Variants in ZFP91 observed in about 807,000 individuals in gnomAD.
ZFP91 encodes the protein E3 ubiquitin-protein ligase ZFP91.
ZFP91 carries 7 observed loss-of-function variants against 63.5 expected under a neutral mutation model. The ratio of observed to expected loss-of-function variants is 0.11; its 90% CI spans 0.06 to 0.21. The LOEUF is 0.21. Among genes scored for constraint, ZFP91 ranks in the 10% least tolerant of loss-of-function variants. The pLI is 1.00. For synonymous variants in ZFP91, 330 were observed against 272.1 expected (o/e 1.21, Z -2.10); for missense variants, 628 against 736.6 (o/e 0.85, Z 1.71).
chr11:58,584,744 C>A, intron 1 of ZFP91, 112 bp from the exon 2 acceptor site: 8 of 946,618 alleles, frequency 8.5e-6, no homozygotes, highest in Non-Finnish European at 1.2e-5. Context: ...TGTAGGACAA[C>A]ACTAGTCTAG....
intron 2 of ZFP91, among the ~76,000 whole-genome samples, chr11:58,602,781 A>G (rs1284788809): frequency 6.6e-6 from 1 of 152,218 alleles, no homozygotes; most frequent in East Asian, 1.9e-4. Context: ...AAAAGTACCT[A>G]AAAATGTTGG....
intron 9 of ZFP91, among the ~76,000 whole-genome samples, chr11:58,615,895 A>G (rs1855741637): frequency 6.6e-6 from 1 of 152,252 alleles, no homozygotes; most frequent in Non-Finnish European, 1.5e-5. Flanking sequence ...TTGAAGCAAA[A>G]GGAGTAGAAA....
chr11:58,594,499 T>C (rs765698234), intron 2 of ZFP91, among the ~76,000 whole-genome samples: 1 of 152,242 alleles, frequency 6.6e-6, no homozygotes, highest in Non-Finnish European at 1.5e-5. Flanking sequence ...GAAGCAGAAC[T>C]AATTCACCTA....
At chr11:58,600,285 T>A (rs923081806) in intron 2 of ZFP91, among the ~76,000 whole-genome samples, 5 of 152,132 alleles carry the variant, frequency 3.3e-5, no homozygotes, top group African/African-American at 1.2e-4. Flanking sequence ...CAGAGTATTG[T>A]CATCTTAACA....
Position 58,610,974 on chromosome 11 carries a change from A to G in ZFP91, c.642A>G (p.Glu214=), listed in dbSNP as rs769777354. Residue 214 remains glutamate, a synonymous_variant, in exon 5 of 11, where the codon GAA becomes GAG. Coordinates refer to ENST00000316059, the MANE Select transcript of ZFP91 (RefSeq NM_053023.5). The part of the protein sequence containing the change: ...GISSEEEEEE[E]EEMLISEEEI... The stretch of plus-strand genomic sequence containing the variant: ...GTAGTGAAGAGGAAGAGGAGGAGGA[A>G]GAAGAGATGTTAATCAGTGAAGAGG... 1 of 1,612,694 alleles carries G rather than the reference A, an allele frequency of 6.2e-7. No individual in the cohort carries two copies. The highest frequency in any genetic ancestry group is 1.3e-5 in the African/African-American group (1 of 75,026).
intron 3 of ZFP91, 92 bp downstream of exon 3, chr11:58,610,131 CAG>C (rs767356628): frequency 3.1e-5 from 47 of 1,499,020 alleles, no homozygotes; most frequent in African/African-American, 1.8e-4. Flanking sequence ...GCTTAACTGT[CAG>C]GGGCAGGTTT....
intron 9 of ZFP91, among the ~76,000 whole-genome samples, chr11:58,614,700 G>A (rs907609073): frequency 1.3e-5 from 2 of 152,080 alleles, no homozygotes; most frequent in Non-Finnish European, 2.9e-5. Flanking sequence ...GAAACTAGAA[G>A]CTTGGCAGGA....
chr11:58,603,430 C>T (rs1481075500), intron 2 of ZFP91, among the ~76,000 whole-genome samples: 1 of 152,158 alleles, frequency 6.6e-6, no homozygotes, highest in Non-Finnish European at 1.5e-5. Context: ...ATCGAATCAG[C>T]CATCTCAGCA....
In ZFP91 at chr11:58,579,302, G is replaced by C. The variant is rs1467958181; in HGVS notation, c.21G>C (p.Glu7Asp). 6.7e-7 allele frequency: 1 copy of C among 1,481,768 alleles called. No homozygotes were observed. Among genetic ancestry groups the C allele is most frequent in the South Asian group, 1.3e-5 (1 of 77,854 alleles). The allele number at this position is 1,481,768 out of a possible 1,614,324, so 91.8% of individuals were successfully genotyped here. The change falls in exon 1 of 11, where the codon GAG (glutamate) becomes GAC (aspartate). Residue 7 changes from glutamate (E) to aspartate (D), a missense_variant. Physicochemically the swap from Glu to Asp is conservative, Grantham distance 45. Transcript: ENST00000316059. MPGETE[E>D]PRPPEQQDQE... ...CCCCGATGCCGGGGGAGACGGAAGA[G>C]CCGAGACCCCCGGAGCAGCAGGACC... is the stretch of plus-strand genomic sequence containing the variant.
chr11:58,598,556 C>A (rs898115546), intron 2 of ZFP91, among the ~76,000 whole-genome samples: 1 of 151,964 alleles, frequency 6.6e-6, no homozygotes, highest in Non-Finnish European at 1.5e-5. Context: ...GCTTTTTTCT[C>A]TTATTATTTA....
In ZFP91 at chr11:58,579,264, G is replaced by T. The variant is rs1395810118; in HGVS notation, c.-18G>T. On this transcript the variant is annotated 5_prime_UTR_variant, in exon 1 of 11. Coordinates refer to ENST00000316059, the MANE Select transcript of ZFP91 (RefSeq NM_053023.5). ...CTCCGCCGCCTAGGACTAGGGGGTGGGGGACGGACAAGCCCCGATGCCGGG... is the reference window on the plus strand; with the variant it reads ...CTCCGCCGCCTAGGACTAGGGGGTGTGGGACGGACAAGCCCCGATGCCGGG... The T allele has an allele frequency of 1.4e-6, 2 of 1,418,158 alleles. No homozygotes were observed. The highest frequency in any genetic ancestry group is 1.8e-6 in the Non-Finnish European group (2 of 1,096,812). 87.8% of individuals were successfully genotyped at this position (1,418,158 alleles called of 1,614,324 possible).
At chr11:58,600,498 G>A (rs989866696) in intron 2 of ZFP91, among the ~76,000 whole-genome samples, 1 of 152,072 alleles carries the variant, frequency 6.6e-6, no homozygotes, top group Non-Finnish European at 1.5e-5. Context: ...AATGTTACGT[G>A]TTGGTATTAT....
chr11:58,598,750 G>A (rs1461457808), intron 2 of ZFP91, among the ~76,000 whole-genome samples: 2 of 34,782 alleles, frequency 5.8e-5, no homozygotes, highest in East Asian at 4.8e-4. Flanking sequence ...TTTTGTGCAC[G>A]TGTGTGTGTG....
At chr11:58,611,548 A>G (rs1220496105) in intron 5 of ZFP91, 56 bp from the exon 6 acceptor site, 9 of 1,573,654 alleles carry the variant, frequency 5.7e-6, no homozygotes, top group Non-Finnish European at 7.7e-6. Context: ...ATTTGTTGTC[A>G]TAGTCTTCCT....
rs749219530 is a variant in ZFP91 at position 58,579,620 on chromosome 11, C to A, written c.339C>A (p.Leu113=). 3 of 1,564,854 alleles carry A rather than the reference C, an allele frequency of 1.9e-6. No homozygotes were observed. Among genetic ancestry groups the A allele is most frequent in the Non-Finnish European group, 2.6e-6 (3 of 1,160,898 alleles). ...TTCAGGGCAAGAAGAGTCCGCGACT[C>A]CTGTGAGTAACAGTCTTTCAGGCGG... ...SPVQGKKSPR[L]LCIEKVTTDK... is the part of the protein sequence containing the mutation. The change falls in exon 1 of 11, where the codon CTC becomes CTA. Residue 113 remains leucine (L), a splice_region_variant and synonymous_variant. Transcript: ENST00000316059.
At chr11:58,579,937 C>T (rs1855077374) in intron 1 of ZFP91, among the ~76,000 whole-genome samples, 1 of 152,146 alleles carries the variant, frequency 6.6e-6, no homozygotes, top group African/African-American at 2.4e-5. Flanking sequence ...GGCATCCGCA[C>T]CCCCTTTGTC....
intron 2 of ZFP91, among the ~76,000 whole-genome samples, chr11:58,606,634 A>G (rs377426207): frequency 4.7e-5 from 7 of 150,238 alleles, no homozygotes; most frequent in South Asian, 2.1e-4. Flanking sequence ...TAGTTTTTCA[A>G]CCTCCCCCCA....
intron 2 of ZFP91, among the ~76,000 whole-genome samples, chr11:58,606,565 T>G (rs942101130): frequency 2.0e-5 from 3 of 152,198 alleles, no homozygotes; most frequent in Non-Finnish European, 4.4e-5. Flanking sequence ...GCATATTGTA[T>G]GATATGAAAT....
At chr11:58,614,966 C>G (rs1400253313) in intron 9 of ZFP91, among the ~76,000 whole-genome samples, 1 of 152,158 alleles carries the variant, frequency 6.6e-6, no homozygotes, top group African/African-American at 2.4e-5. Flanking sequence ...GTCCCAGACA[C>G]TTGATAATTA....
Sources: allele counts gnomAD v4.1 joint callset (sites outside exome capture counted in the v4.1 genomes callset), GRCh38; gene constraint gnomAD v4.1.1; transcripts MANE v1.5; gene names NCBI Gene and HGNC (gene_info 2026-07-23, HGNC 2026-07-21).